Variants in SCAF11 observed in about 807,000 individuals in gnomAD.
SCAF11 encodes the protein protein SCAF11.
SCAF11 carries 47 observed loss-of-function variants against 140.5 expected under a neutral mutation model. The ratio of observed to expected loss-of-function variants is 0.33; its 90% CI spans 0.26 to 0.43. The LOEUF is 0.43. SCAF11 is among the 20% of genes least tolerant of loss of function. The pLI is 1.00. For synonymous variants in SCAF11, 557 were observed against 579.4 expected, an observed-to-expected ratio of 0.96 and a Z score of 0.55; for missense variants, 1,645 against 1,705.1, an observed-to-expected ratio of 0.96 and a Z score of 0.62.
At chr12:45,973,001 GATATAT>G (rs371257166) in intron 1 of SCAF11, among the ~76,000 whole-genome samples, 1 of 87,382 alleles carries the variant, frequency 1.1e-5, no homozygotes, top group African/African-American at 3.1e-5. Context: ...TAGATATATA[GATATAT>G]ATATAGATAT....
intron 4 of SCAF11, among the ~76,000 whole-genome samples, chr12:45,949,984 T>C (rs1263002720): frequency 1.3e-5 from 2 of 152,110 alleles, no homozygotes; most frequent in African/African-American, 4.8e-5. Flanking sequence ...GGTAGGGATA[T>C]GACAAAGAAG....
At chr12:45,922,415 A>T (rs770118606) in intron 14 of SCAF11, 48 bp downstream of exon 14, 4 of 1,576,878 alleles carry the variant, frequency 2.5e-6, no homozygotes, top group Non-Finnish European at 3.4e-6. Context: ...ATTAAAACAG[A>T]GGTGGTTCAA....
chr12:45,923,685 A>T (rs1012876088), intron 12 of SCAF11, among the ~76,000 whole-genome samples: 7 of 151,768 alleles, frequency 4.6e-5, no homozygotes, highest in African/African-American at 7.3e-5. Flanking sequence ...ATTTTAATTA[A>T]TTATTTATTT....
At chr12:45,966,745 CAA>C (rs1048208599) in intron 1 of SCAF11, among the ~76,000 whole-genome samples, 7 of 151,974 alleles carry the variant, frequency 4.6e-5, no homozygotes, top group African/African-American at 1.7e-4. Flanking sequence ...GGAACAACAA[CAA>C]AGAGATGAAT....
intron 1 of SCAF11, among the ~76,000 whole-genome samples, chr12:45,979,225 C>T: frequency 6.7e-6 from 1 of 149,072 alleles, no homozygotes; most frequent in African/African-American, 2.4e-5. Context: ...GCCTAATCAC[C>T]TCCTAAAAGC....
At chr12:45,964,226 C>G in intron 1 of SCAF11, 38 bp from the exon 2 acceptor site, 1 of 942,374 alleles carries the variant, frequency 1.1e-6, no homozygotes, top group South Asian at 1.5e-5. Flanking sequence ...TTATGTTTGC[C>G]TTCTCCCAAT....
In SCAF11 at chr12:45,936,138, GT is replaced by G. The variant is rs987862471; in HGVS notation, c.464-1634del. On this transcript the variant is annotated intron_variant, in intron 6 of 14. Coordinates refer to ENST00000369367, the MANE Select transcript of SCAF11 (RefSeq NM_004719.3). ...ACACCCTTATACTACTCTATGTGTG[GT>G]TTTTTTTGTTTTTTTTTTTTGAAAC... Among the ~76,000 whole-genome samples the G allele has an allele frequency of 2.7e-4, 41 of 149,286 alleles. No homozygotes were observed. The East Asian group carries it at 7.4e-3, about 27-fold the overall frequency.
rs533445977 is a variant in SCAF11 at position 45,957,713 on chromosome 12, T to C, written c.219+3987A>G. The stretch of plus-strand genomic sequence containing the variant: ...AAGATAAGGGAAATATTTTATATTA[T>C]GTAAAAGGGAAAAGAATGCCAGCAG... On this transcript the variant is annotated intron_variant, in intron 3 of 14. Coordinates refer to ENST00000369367, the MANE Select transcript of SCAF11 (RefSeq NM_004719.3). Among the ~76,000 whole-genome samples, 5 of 152,272 alleles carry C rather than the reference T, an allele frequency of 3.3e-5. No homozygotes were observed. The East Asian group carries it at 7.7e-4, about 24-fold the overall frequency.
chr12:45,985,827 C>T (rs920390228), intron 1 of SCAF11, among the ~76,000 whole-genome samples: 10 of 152,168 alleles, frequency 6.6e-5, no homozygotes, highest in Non-Finnish European at 1.5e-4. Flanking sequence ...TACTGTCCTG[C>T]TTGTTCAAAA....
chr12:45,936,629 C>T (rs1005249604), intron 6 of SCAF11, among the ~76,000 whole-genome samples: 2 of 152,122 alleles, frequency 1.3e-5, no homozygotes, highest in Non-Finnish European at 2.9e-5. Flanking sequence ...TTTCTTTGTC[C>T]TGGTCCAATA....
rs376612166 is a variant in SCAF11 at position 45,961,714 on chromosome 12, G to C, written c.205C>G (p.Leu69Val). The C allele has an allele frequency of 1.2e-6, 2 of 1,610,700 alleles. No homozygotes were observed. Among genetic ancestry groups the C allele is most frequent in the Non-Finnish European group, 1.7e-6 (2 of 1,178,564 alleles). ...CNHVFCMTCI[L>V]KWAETLASCP... ...GTCAGACTTACCTCTGCCCATTTAA[G>C]AATACAAGTCATACAGAAGACATGA... The change falls in exon 3 of 15, where the codon CTT becomes GTT. Residue 69 changes from leucine to valine, a missense_variant. Around this residue, in one of 2 missense-constraint regions of SCAF11, gnomAD observed 1,582 missense variants for 1,609.2 expected, o/e 0.98. Transcript: ENST00000369367.
chr12:45,937,797 T>C (rs1945205061), intron 6 of SCAF11, among the ~76,000 whole-genome samples: 1 of 152,220 alleles, frequency 6.6e-6, no homozygotes, highest in Non-Finnish European at 1.5e-5. Context: ...TGTTGTTTCC[T>C]GTACCATCAT....
intron 9 of SCAF11, 114 bp from the exon 10 acceptor site, chr12:45,931,726 GT>G: frequency 2.0e-6 from 1 of 489,146 alleles, no homozygotes; most frequent in Non-Finnish European, 3.5e-6. Flanking sequence ...GTGCTTAAAT[GT>G]TTTTTGCCCA....
At position 45,922,573 on chromosome 12, in the gene SCAF11, T is replaced by C; in HGVS notation, c.4135A>G (p.Ile1379Val). ...DSSKTDKKLQIQEKAAQEVKL... is the reference protein window; with the variant it reads ...DSSKTDKKLQVQEKAAQEVKL... Reference sequence around the variant, plus strand: ...ACCTCTTGTGCTGCTTTTTCTTGAATTTGCAATTTCTGATGAGAAGAAAAT... The same window carrying C: ...ACCTCTTGTGCTGCTTTTTCTTGAACTTGCAATTTCTGATGAGAAGAAAAT... Residue 1379 changes from isoleucine to valine, a missense_variant, in exon 14 of 15, where the codon ATT (isoleucine) becomes GTT (valine). Ile to Val is a conservative substitution (Grantham distance 29). This residue lies in a region of SCAF11 where 1,582 missense variants were observed against 1,609.2 expected (regional missense o/e 0.98). Coordinates refer to ENST00000369367, the MANE Select transcript of SCAF11 (RefSeq NM_004719.3). The C allele has an allele frequency of 6.3e-7, 1 of 1,590,068 alleles. No homozygotes were observed. Among genetic ancestry groups the C allele is most frequent in the Non-Finnish European group, 8.5e-7 (1 of 1,174,964 alleles).
chr12:45,941,719 C>G (rs1945305801), intron 6 of SCAF11, among the ~76,000 whole-genome samples: 1 of 152,212 alleles, frequency 6.6e-6, no homozygotes, highest in Non-Finnish European at 1.5e-5. Context: ...TCAACCCTGA[C>G]TTCCTTCTTT....
intron 1 of SCAF11, among the ~76,000 whole-genome samples, chr12:45,971,798 G>A (rs989168156): frequency 6.6e-5 from 10 of 151,984 alleles, no homozygotes; most frequent in Admixed American, 5.2e-4. Context: ...GGCAGCAGCA[G>A]GAACCTAAAA....
In SCAF11 at chr12:45,926,615, T is replaced by C; in HGVS notation, c.3086A>G (p.Asn1029Ser). Residue 1029 changes from asparagine to serine, a missense_variant, in exon 11 of 15, where the codon AAC becomes AGC. By Grantham distance (46) the Asn-to-Ser change is conservative. Coordinates refer to ENST00000369367, the MANE Select transcript of SCAF11 (RefSeq NM_004719.3). Reference protein sequence around the residue: ...DCPNWITEKINSGPDPRTRNP... With the variant: ...DCPNWITEKISSGPDPRTRNP... ...TCTGGTTCTTGGATCAGGCCCAGAGTTTATTTTTTCTGTTATCCAATTGGG... is the reference window on the plus strand; with the variant it reads ...TCTGGTTCTTGGATCAGGCCCAGAGCTTATTTTTTCTGTTATCCAATTGGG... 6.2e-7 allele frequency: 1 copy of C among 1,614,076 alleles called. No individual in the cohort carries two copies. Among genetic ancestry groups the C allele is most frequent in the Non-Finnish European group, 8.5e-7 (1 of 1,180,028 alleles).
chr12:45,967,853 A>G (rs995823033), intron 1 of SCAF11, among the ~76,000 whole-genome samples: 3 of 152,238 alleles, frequency 2.0e-5, no homozygotes, highest in Non-Finnish European at 4.4e-5. Context: ...ATAAACTTGT[A>G]ACTTGTCCTG....
Position 45,990,252 on chromosome 12 carries a change from T to C in SCAF11, c.-22+101A>G, listed in dbSNP as rs994705017. 3 of 1,228,118 alleles carry C rather than the reference T, an allele frequency of 2.4e-6. No individual in the cohort carries two copies. The East Asian group carries it at 9.5e-5, about 39-fold the overall frequency. The allele number at this position is 1,228,118 out of a possible 1,614,324, so 76.1% of individuals were successfully genotyped here. A position where few individuals can be genotyped will look rare whatever the true frequency, so the allele number is the denominator to read the frequency against. Reference sequence around the variant, plus strand: ...TTCCGAAACTTTGTCAGCCCTCGCGTCGCCCTAGGCCCGCTCCAGCGCTCT... The same window carrying C: ...TTCCGAAACTTTGTCAGCCCTCGCGCCGCCCTAGGCCCGCTCCAGCGCTCT... On this transcript the variant is annotated intron_variant, in intron 1 of 14. Coordinates refer to ENST00000369367, the MANE Select transcript of SCAF11 (RefSeq NM_004719.3).
Sources: gnomAD v4.1 joint callset for allele counts (sites outside exome capture counted in the v4.1 genomes callset) on GRCh38, gnomAD v4.1.1 for gene constraint, gnomAD v4.1.1 regional missense constraint, MANE v1.5 for transcripts, NCBI Gene and HGNC (gene_info 2026-07-23, HGNC 2026-07-21) for gene names.